Variants in SDK1 observed in about 807,000 individuals in gnomAD.
SDK1 encodes protein sidekick-1.
SDK1 carries 157 observed loss-of-function variants against 245.5 expected under a neutral mutation model. The ratio of observed to expected loss-of-function variants is 0.64; its 90% CI spans 0.56 to 0.73. The LOEUF (loss-of-function observed/expected upper bound fraction) is 0.73, where lower values mean the gene tolerates loss of function less well. Ranked by LOEUF, SDK1 falls within the 30% of genes least tolerant of loss-of-function variation. The pLI is 0.00. For synonymous variants in SDK1, 1,647 were observed against 1,278.5 expected, an observed-to-expected ratio of 1.29 and a Z score of -6.15; for missense variants, 3,583 against 3,002.3, an observed-to-expected ratio of 1.19 and a Z score of -4.52.
At chr7:3,420,287 T>C (rs1779501400) in intron 1 of SDK1, among the ~76,000 whole-genome samples, 1 of 152,228 alleles carries the variant, frequency 6.6e-6, no homozygotes. Context: ...CAGAAAAGAT[T>C]TTAAAAGGTT....
chr7:3,975,963 GGTCCTCC>G (rs1782921464), intron 13 of SDK1, among the ~76,000 whole-genome samples: 2 of 127,914 alleles, frequency 1.6e-5, no homozygotes, highest in African/African-American at 2.9e-5. Context: ...CCACGCAGAG[GGTCCTCC>G]AGAGAATCAC....
At chr7:3,736,867 G>A (rs955085030) in intron 4 of SDK1, among the ~76,000 whole-genome samples, 8 of 152,136 alleles carry the variant, frequency 5.3e-5, no homozygotes, top group Admixed American at 3.9e-4. Context: ...CAGTCACCAC[G>A]CTGTAGCTTA....
chr7:3,667,835 T>C (rs1355773592), intron 4 of SDK1, among the ~76,000 whole-genome samples: 3 of 152,356 alleles, frequency 2.0e-5, no homozygotes, highest in Non-Finnish European at 2.9e-5. Context: ...CAGCTTGTTA[T>C]TCTATTCCCC....
intron 2 of SDK1, among the ~76,000 whole-genome samples, chr7:3,625,447 C>G (rs1782084794): frequency 6.6e-6 from 1 of 152,278 alleles, no homozygotes; most frequent in Non-Finnish European, 1.5e-5. Flanking sequence ...GTGGTGGAGA[C>G]AAAGCTTGGC....
intron 19 of SDK1, among the ~76,000 whole-genome samples, chr7:4,053,738 T>C (rs541200437): frequency 6.6e-6 from 1 of 152,274 alleles, no homozygotes; most frequent in East Asian, 1.9e-4. Flanking sequence ...AACATGGATT[T>C]CTTGACCCTC....
At position 3,717,179 on chromosome 7, in the gene SDK1, A is replaced by G. The variant is rs555039210; in HGVS notation, c.713+75074A>G. On this transcript the variant is annotated intron_variant, in intron 4 of 44. Transcript: ENST00000404826. ...TTATAACAATTAGAGGAACTAATTG[A>G]CCGAAATAGACCATATCCTGGTTCA... 6.6e-5 allele frequency among the ~76,000 whole-genome samples: 10 copies of G among 152,346 alleles called. 1 individual carries two copies. The South Asian group carries it at 2.1e-3, about 32-fold the overall frequency.
intron 44 of SDK1, among the ~76,000 whole-genome samples, chr7:4,263,540 A>C: frequency 1.2e-5 from 1 of 83,260 alleles, no homozygotes; most frequent in Non-Finnish European, 2.5e-5. Context: ...GGCCGCGTAG[A>C]CGCCTCCTGA....
At chr7:3,797,483 A>G (rs1005649512) in intron 4 of SDK1, among the ~76,000 whole-genome samples, 6 of 151,702 alleles carry the variant, frequency 4.0e-5, no homozygotes, top group African/African-American at 1.5e-4. Flanking sequence ...ACACACACAC[A>G]CACACACACA....
At position 3,400,141 on chromosome 7, in the gene SDK1, C is replaced by G. The variant is rs150838503; in HGVS notation, c.298+98257C>G. Among the ~76,000 whole-genome samples the G allele has an allele frequency of 3.4e-3, 513 of 152,146 alleles. 4 individuals carry two copies. Among genetic ancestry groups the G allele is most frequent in the African/African-American group, 0.012 (482 of 41,512 alleles). ...TCCCTCTGGTGGCTACAGGACTACA[C>G]ATTTTCACATTGTTAGGGAGGCTGC... On this transcript the variant is annotated intron_variant, in intron 1 of 44. Coordinates refer to ENST00000404826, the MANE Select transcript of SDK1 (RefSeq NM_152744.4).
At chr7:3,898,139 T>C (rs1389700451) in intron 5 of SDK1, among the ~76,000 whole-genome samples, 1 of 152,206 alleles carries the variant, frequency 6.6e-6, no homozygotes, top group Non-Finnish European at 1.5e-5. Context: ...TGAGTTGAAG[T>C]GGCCTGAATA....
chr7:3,859,136 A>AC (rs1209345335), intron 5 of SDK1, among the ~76,000 whole-genome samples: 1 of 152,108 alleles, frequency 6.6e-6, no homozygotes, highest in Non-Finnish European at 1.5e-5. Flanking sequence ...TGCTGGGATT[A>AC]CAGGCGTGAG....
chr7:3,698,715 A>C (rs1784648982), intron 4 of SDK1, among the ~76,000 whole-genome samples: 1 of 152,122 alleles, frequency 6.6e-6, no homozygotes, highest in Non-Finnish European at 1.5e-5. Context: ...GCTTGTAAAC[A>C]ACCACCTTCT....
At chr7:3,935,480 A>G (rs1389185205) in intron 5 of SDK1, among the ~76,000 whole-genome samples, 1 of 152,226 alleles carries the variant, frequency 6.6e-6, no homozygotes, top group South Asian at 2.1e-4. Flanking sequence ...AATCACATAT[A>G]TAATAAGGGA....
intron 4 of SDK1, among the ~76,000 whole-genome samples, chr7:3,697,418 G>A (rs116891183): frequency 2.2e-4 from 34 of 152,286 alleles, no homozygotes; most frequent in Middle Eastern, 3.4e-3. Context: ...ATTGAGTGAC[G>A]TTTAGCTAGT....
intron 5 of SDK1, among the ~76,000 whole-genome samples, chr7:3,904,842 G>C (rs1448958971): frequency 1.3e-5 from 2 of 151,792 alleles, no homozygotes; most frequent in African/African-American, 4.8e-5. Flanking sequence ...AAATACAAAA[G>C]ATTAGCCGGG....
chr7:3,984,993 G>C (rs1046201355), intron 13 of SDK1, among the ~76,000 whole-genome samples: 1 of 152,192 alleles, frequency 6.6e-6, no homozygotes, highest in Non-Finnish European at 1.5e-5. Flanking sequence ...TCCCAGAGTT[G>C]AATCACTGGC....
At chr7:4,193,928 T>A (rs1020335589) in intron 35 of SDK1, among the ~76,000 whole-genome samples, 3 of 152,176 alleles carry the variant, frequency 2.0e-5, no homozygotes, top group Non-Finnish European at 1.5e-5. Flanking sequence ...ACTCCTTGCC[T>A]CTCACGAGCG....
At chr7:3,379,799 A>C (rs1583771198) in intron 1 of SDK1, among the ~76,000 whole-genome samples, 1 of 78,482 alleles carries the variant, frequency 1.3e-5, no homozygotes, top group Non-Finnish European at 2.4e-5. Context: ...CAATGTTCCA[A>C]AATCCAAAAC....
chr7:3,475,349 C>A (rs544534486), intron 1 of SDK1, among the ~76,000 whole-genome samples: 1 of 152,182 alleles, frequency 6.6e-6, no homozygotes, highest in Non-Finnish European at 1.5e-5. Flanking sequence ...CCCACCTATT[C>A]GCACTGGTTC....
Sources: gnomAD v4.1 joint callset for allele counts (sites outside exome capture counted in the v4.1 genomes callset) on GRCh38, gnomAD v4.1.1 for gene constraint, MANE v1.5 for transcripts, NCBI Gene and HGNC (gene_info 2026-07-23, HGNC 2026-07-21) for gene names.